Variants in ASPRV1 observed in about 807,000 individuals in gnomAD.
The protein encoded by ASPRV1 is retroviral-like aspartic protease 1.
Under a neutral mutation model 11.0 loss-of-function variants are expected in ASPRV1, and 7 were observed. The ratio of observed to expected loss-of-function variants is 0.64; its 90% CI spans 0.36 to 1.20. The LOEUF (loss-of-function observed/expected upper bound fraction) is 1.20. Among genes scored for constraint, ASPRV1 ranks in the 50% most tolerant of loss-of-function variants. The probability of loss-of-function intolerance (pLI) is 0.02; values close to 1 mark genes in which losing one functional copy is unlikely to be tolerated. For missense variants in ASPRV1, 299 were observed against 320.0 expected (o/e 0.93, Z 0.50); for synonymous variants, 136 against 138.4 (o/e 0.98, Z 0.12).
chr2:70,065,568 G>A, the ASPRV1 span, among the ~76,000 whole-genome samples: 2 of 151,946 alleles, frequency 1.3e-5, no homozygotes, highest in Non-Finnish European at 2.9e-5. Context: ...TCATTAGATA[G>A]TCAAGGGAAG....
the ASPRV1 span, among the ~76,000 whole-genome samples, chr2:69,982,311 C>T: frequency 2.7e-5 from 4 of 150,532 alleles, no homozygotes; most frequent in African/African-American, 9.9e-5. Flanking sequence ...AAAAAAATAG[C>T]CAGGCCTCTT....
the ASPRV1 span, among the ~76,000 whole-genome samples, chr2:69,966,711 C>T: frequency 6.6e-6 from 1 of 152,206 alleles, no homozygotes; most frequent in African/African-American, 2.4e-5. Context: ...AACTTAAATA[C>T]CTCAAAGGCA....
chr2:69,947,489 C>A, the ASPRV1 span, among the ~76,000 whole-genome samples: 1 of 152,132 alleles, frequency 6.6e-6, no homozygotes, highest in Admixed American at 6.5e-5. Context: ...TTTGTGAGAA[C>A]CTGTAATGTG....
At chr2:70,059,256 CTT>C in the ASPRV1 span, among the ~76,000 whole-genome samples, 90 of 112,166 alleles carry the variant, frequency 8.0e-4, no homozygotes, top group Admixed American at 3.5e-3. Flanking sequence ...GATTGGTTTT[CTT>C]TTTTTTTTTT....
At chr2:70,086,506 CTG>C in the ASPRV1 span, 1 of 151,690 alleles carries the variant, frequency 6.6e-6, no homozygotes, top group Admixed American at 6.8e-5. Context: ...ATGGCGGGCC[CTG>C]ACGGGGCCGC....
the ASPRV1 span, among the ~76,000 whole-genome samples, chr2:70,010,905 C>T: frequency 1.4e-4 from 21 of 152,128 alleles, no homozygotes; most frequent in Non-Finnish European, 2.5e-4. Context: ...CTGTTATGTC[C>T]TATGTTGTAT....
chr2:70,073,989 C>G, the ASPRV1 span, among the ~76,000 whole-genome samples: 1 of 151,512 alleles, frequency 6.6e-6, no homozygotes, highest in Non-Finnish European at 1.5e-5. Flanking sequence ...AAAAAATTAG[C>G]CGGGCATGGT....
chr2:70,017,230 A>G, the ASPRV1 span, among the ~76,000 whole-genome samples: 1 of 152,192 alleles, frequency 6.6e-6, no homozygotes, highest in African/African-American at 2.4e-5. Flanking sequence ...TGATCTTGTG[A>G]TCTGCCCACC....
At chr2:69,987,111 G>A in the ASPRV1 span, among the ~76,000 whole-genome samples, 2 of 152,282 alleles carry the variant, frequency 1.3e-5, no homozygotes, top group East Asian at 1.9e-4. Context: ...CAGCCGGAAC[G>A]AAGATGCAGG....
the ASPRV1 span, among the ~76,000 whole-genome samples, chr2:70,072,593 G>A: frequency 6.6e-6 from 1 of 151,706 alleles, no homozygotes; most frequent in African/African-American, 2.4e-5. Flanking sequence ...ATGATGGTGA[G>A]TGCCTGTACT....
At chr2:70,061,289 A>G in the ASPRV1 span, among the ~76,000 whole-genome samples, 1 of 151,638 alleles carries the variant, frequency 6.6e-6, no homozygotes, top group Admixed American at 6.6e-5. Flanking sequence ...CAGCTACTTG[A>G]GAAGCTGAGA....
chr2:70,069,572 T>C, the ASPRV1 span, among the ~76,000 whole-genome samples: 2 of 152,366 alleles, frequency 1.3e-5, no homozygotes, highest in South Asian at 4.1e-4. Flanking sequence ...GGTAGCTCAA[T>C]AACTGAGATA....
upstream of ASPRV1, chr2:69,963,423 T>C (rs748971311): frequency 2.1e-4 from 94 of 456,482 alleles, 1 homozygote; most frequent in Middle Eastern, 0.014. Context: ...CTGGGATGAG[T>C]GTTGTTCTGT....
At chr2:70,003,686 G>T in the ASPRV1 span, among the ~76,000 whole-genome samples, 126 of 152,308 alleles carry the variant, frequency 8.3e-4, no homozygotes, top group Middle Eastern at 3.4e-3. Flanking sequence ...CGGCCATGAC[G>T]GCTGCCAGAG....
At chr2:70,024,769 C>T in the ASPRV1 span, among the ~76,000 whole-genome samples, 3 of 152,132 alleles carry the variant, frequency 2.0e-5, no homozygotes, top group Non-Finnish European at 4.4e-5. Flanking sequence ...CCTACCCCAA[C>T]CTCCTGAAAC....
downstream of ASPRV1, among the ~76,000 whole-genome samples, chr2:69,956,486 A>C (rs192373592): frequency 1.3e-5 from 2 of 150,984 alleles, no homozygotes; most frequent in Non-Finnish European, 2.9e-5. Flanking sequence ...GAAAAGAGGA[A>C]GAAGAAGAAG....
the ASPRV1 span, among the ~76,000 whole-genome samples, chr2:69,984,610 C>CTTTTT: frequency 7.7e-4 from 50 of 65,352 alleles, 1 homozygote; most frequent in African/African-American, 2.6e-3. Flanking sequence ...TCAGGTCCAG[C>CTTTTT]TTTTTTTTTT....
the ASPRV1 span, among the ~76,000 whole-genome samples, chr2:70,007,617 T>A: frequency 8.6e-5 from 13 of 151,048 alleles, no homozygotes; most frequent in Non-Finnish European, 1.6e-4. Flanking sequence ...GTGCTAAATT[T>A]TATAATATAG....
the ASPRV1 span, among the ~76,000 whole-genome samples, chr2:69,969,266 G>A: frequency 7.2e-5 from 11 of 152,276 alleles, no homozygotes; most frequent in African/African-American, 2.4e-4. Flanking sequence ...GGCATGGTCC[G>A]AGGCAGCCCG....
Sources: gnomAD v4.1 joint callset for allele counts (sites outside exome capture counted in the v4.1 genomes callset) on GRCh38, gnomAD v4.1.1 for gene constraint, MANE v1.5 for transcripts, NCBI Gene and HGNC (gene_info 2026-07-23, HGNC 2026-07-21) for gene names.